Variants in CLRN1 observed in about 807,000 individuals in gnomAD.
CLRN1 encodes the protein clarin 1, also known as clarin-1.
Under a neutral mutation model 18.7 loss-of-function variants are expected in CLRN1, and 15 were observed. That is an observed-to-expected ratio of 0.80 (90% CI 0.54 to 1.23). The LOEUF (loss-of-function observed/expected upper bound fraction) is 1.23. CLRN1 is among the 50% of genes most tolerant of loss of function. The probability of loss-of-function intolerance (pLI) is 0.00; values close to 1 mark genes in which losing one functional copy is unlikely to be tolerated. For missense variants in CLRN1, 311 were observed against 277.5 expected (o/e 1.12, Z -0.86); for synonymous variants, 104 against 102.9 (o/e 1.01, Z -0.07).
rs1713994768 is a variant in CLRN1, at chr3:150,943,771, G to A, written c.254-2010C>T. ...CTGTCCACAGATGGCAGAGCTACGA[G>A]AGCATTGTAACACACCCTCTGGGGC... On this transcript the variant is annotated intron_variant, in intron 1 of 2. Transcript: ENST00000327047. The A allele has an allele frequency of 1.9e-6, 3 of 1,613,204 alleles. No homozygotes were observed. The African/African-American group carries it at 4.0e-5, about 22-fold the overall frequency.
intron 1 of CLRN1, among the ~76,000 whole-genome samples, chr3:150,948,987 G>A (rs1381240632): frequency 6.6e-6 from 1 of 152,166 alleles, no homozygotes; most frequent in Non-Finnish European, 1.5e-5. Flanking sequence ...GAATCCAGTA[G>A]TATATCAAAA....
Position 150,927,167 on chromosome 3 carries a change from G to C in CLRN1, c.*769C>G, listed in dbSNP as rs931593660. On this transcript the variant is annotated 3_prime_UTR_variant, in exon 3 of 3. Coordinates refer to ENST00000327047, the MANE Select transcript of CLRN1 (RefSeq NM_174878.3). ...GTGAATGTAATTGGGACTCAGGCAC[G>C]GGAGGAAAAATACCCTAAGCTTGGT... 2.1e-5 allele frequency: 13 copies of C among 626,550 alleles called. No individual in the cohort carries two copies. Among genetic ancestry groups the C allele is most frequent in the Non-Finnish European group, 3.8e-5 (13 of 341,838 alleles). 38.8% of individuals were successfully genotyped at this position (626,550 alleles called of 1,614,324 possible).
rs753233584 is a variant in CLRN1, at chr3:150,928,184, C to T, written c.451G>A (p.Val151Ile). ...SFISGSCGCL[V>I]MILFASEVKI... The stretch of plus-strand genomic sequence containing the variant: ...ACTTCAGAGGCAAACAATATCATGA[C>T]AAGACAGCCACAGGAGCCTGCAACA... The change falls in exon 3 of 3, where the codon GTC becomes ATC. Residue 151 changes from valine (V) to isoleucine (I), a missense_variant. Coordinates refer to ENST00000327047, the MANE Select transcript of CLRN1 (RefSeq NM_174878.3). 5 of 1,613,920 alleles carry T rather than the reference C, an allele frequency of 3.1e-6. No homozygotes were observed. In the South Asian group the frequency reaches 5.5e-5, roughly 18 times the overall value.
rs1022684129 is a variant in CLRN1 at position 150,937,371 on chromosome 3, A to G, written c.433+4211T>C. On this transcript the variant is annotated intron_variant, in intron 2 of 2. Transcript: ENST00000327047. Reference sequence around the variant, plus strand: ...CAGTCAATGTTTGACAAATACGTGAAATATATTCACTTATATTGCAACCCT... The same window carrying G: ...CAGTCAATGTTTGACAAATACGTGAGATATATTCACTTATATTGCAACCCT... Among the ~76,000 whole-genome samples the G allele has an allele frequency of 3.9e-5, 6 of 152,192 alleles. No individual in the cohort carries two copies. The East Asian group carries it at 1.2e-3, about 29-fold the overall frequency.
At chr3:150,955,270 G>C (rs1358628545) in intron 1 of CLRN1, among the ~76,000 whole-genome samples, 1 of 152,176 alleles carries the variant, frequency 6.6e-6, no homozygotes, top group African/African-American at 2.4e-5. Context: ...AAAGGGACAG[G>C]GAGAACCCGG....
intron 2 of CLRN1, chr3:150,941,375 A>G (rs1713831012): frequency 1.3e-5 from 7 of 551,982 alleles, no homozygotes; most frequent in Non-Finnish European, 2.2e-5. Context: ...TCAGCATCAC[A>G]GTTATTCATA....
intron 2 of CLRN1, among the ~76,000 whole-genome samples, chr3:150,930,763 C>G (rs1576625078): frequency 6.6e-6 from 1 of 152,070 alleles, no homozygotes; most frequent in East Asian, 1.9e-4. Context: ...TCCTGAGCAC[C>G]TGAAAGGAAA....
intron 1 of CLRN1, among the ~76,000 whole-genome samples, chr3:150,966,069 C>T (rs7625786): frequency 0.18 from 27,557 of 152,196 alleles, 2,758 homozygotes; most frequent in East Asian, 0.39. Context: ...CCCATAATTC[C>T]AGCACTTTGG....
chr3:150,955,702 C>T (rs1157378439), intron 1 of CLRN1, among the ~76,000 whole-genome samples: 1 of 152,094 alleles, frequency 6.6e-6, no homozygotes, highest in Non-Finnish European at 1.5e-5. Flanking sequence ...GAATTCGTTG[C>T]ACACCTGAAC....
chr3:150,963,944 C>A (rs1397824492), intron 1 of CLRN1, among the ~76,000 whole-genome samples: 1 of 152,118 alleles, frequency 6.6e-6, no homozygotes, highest in Non-Finnish European at 1.5e-5. Context: ...AACATAAGAC[C>A]TAAAACCATA....
intron 1 of CLRN1, among the ~76,000 whole-genome samples, chr3:150,959,288 T>C (rs1714907659): frequency 6.6e-6 from 1 of 152,136 alleles, no homozygotes; most frequent in South Asian, 2.1e-4. Flanking sequence ...GCACATAAAC[T>C]CTTTAACTTA....
At chr3:150,944,790 A>T (rs371201971) in intron 1 of CLRN1, among the ~76,000 whole-genome samples, 2 of 152,152 alleles carry the variant, frequency 1.3e-5, no homozygotes, top group Non-Finnish European at 2.9e-5. Flanking sequence ...ATTACTTCAA[A>T]TTTTTTGTCC....
chr3:150,928,182 G>C lies in CLRN1; in HGVS notation c.453C>G (p.Val151=). Residue 151 remains valine, a synonymous_variant, in exon 3 of 3, where the codon GTC becomes GTG. Coordinates refer to ENST00000327047, the MANE Select transcript of CLRN1 (RefSeq NM_174878.3). ...TCACTTCAGAGGCAAACAATATCAT[G>C]ACAAGACAGCCACAGGAGCCTGCAA... is the stretch of plus-strand genomic sequence containing the variant. ...SFISGSCGCL[V]MILFASEVKI... 6.2e-7 allele frequency: 1 copy of C among 1,614,014 alleles called. No individual in the cohort carries two copies. The highest frequency in any genetic ancestry group is 1.7e-4 in the Middle Eastern group (1 of 6,060).
At chr3:150,928,227 G>T in intron 2 of CLRN1, 26 bp from the exon 3 acceptor site, 1 of 1,613,146 alleles carries the variant, frequency 6.2e-7, no homozygotes, top group Non-Finnish European at 8.5e-7. Context: ...CAAGGTGTTG[G>T]GACAAATATT....
At chr3:150,928,264 G>A in intron 2 of CLRN1, 63 bp from the exon 3 acceptor site, 1 of 1,585,682 alleles carries the variant, frequency 6.3e-7, no homozygotes, top group South Asian at 1.1e-5. Context: ...CAGGGAAGAG[G>A]GTCAATGTGT....
intron 1 of CLRN1, among the ~76,000 whole-genome samples, chr3:150,955,538 T>C (rs950032616): frequency 2.6e-5 from 4 of 152,162 alleles, no homozygotes; most frequent in Admixed American, 6.5e-5. Flanking sequence ...TACTTTGTTT[T>C]TAGAAGTTGA....
At position 150,927,309 on chromosome 3, in the gene CLRN1, T is replaced by A. The variant is rs1207323145; in HGVS notation, c.*627A>T. ...TTATTTTATTTTTTAATTTTGTTAG[T>A]GACAGGGTCTCACTTTATTGCCCAG... On this transcript the variant is annotated 3_prime_UTR_variant, in exon 3 of 3. Transcript: ENST00000327047. 7.9e-6 allele frequency: 3 copies of A among 382,042 alleles called. No individual in the cohort carries two copies. The highest frequency in any genetic ancestry group is 1.5e-5 in the Non-Finnish European group (3 of 200,078). The allele number at this position is 382,042 out of a possible 1,614,324, so 23.7% of individuals were successfully genotyped here.
chr3:150,943,922 G>A (rs1559983951), intron 1 of CLRN1: 1 of 1,611,080 alleles, frequency 6.2e-7, no homozygotes, highest in African/African-American at 1.3e-5. Flanking sequence ...CCTGCAAGAG[G>A]TTGAGCAGGG....
intron 1 of CLRN1, among the ~76,000 whole-genome samples, chr3:150,950,544 A>G (rs941012887): frequency 1.6e-4 from 25 of 152,252 alleles, no homozygotes; most frequent in Non-Finnish European, 4.4e-5. Context: ...GCCAACGAAC[A>G]TGAAAAAAAG....
Sources: gnomAD v4.1 joint callset for allele counts (sites outside exome capture counted in the v4.1 genomes callset) on GRCh38, gnomAD v4.1.1 for gene constraint, MANE v1.5 for transcripts, NCBI Gene and HGNC (gene_info 2026-07-23, HGNC 2026-07-21) for gene names.